FLG2: variants seen among roughly 807,000 people sequenced by gnomAD.
FLG2 encodes the protein filaggrin 2, also known as filaggrin-2.
Under a neutral mutation model 3.9 loss-of-function variants are expected in FLG2, and 7 were observed. That is an observed-to-expected ratio of 1.79 (90% CI 1.02 to 3.36). The LOEUF is 3.36. Ranked by LOEUF, FLG2 falls within the 30% of genes most tolerant of loss-of-function variation. The pLI is 0.00. For missense variants in FLG2, 2,700 were observed against 2,809.4 expected, an observed-to-expected ratio of 0.96 and a Z score of 0.88; for synonymous variants, 1,031 against 1,056.1, an observed-to-expected ratio of 0.98 and a Z score of 0.46.
At position 152,350,140 on chromosome 1, in the gene FLG2, G is replaced by A. The variant is rs1653853385; in HGVS notation, c.*470C>T. ...GGATCTTACCTGCCCATGAAAAGTT[G>A]TATCTCCGAAATGTTGCTGGCTAGA... On this transcript the variant is annotated 3_prime_UTR_variant, in exon 3 of 3. Coordinates refer to ENST00000388718, the MANE Select transcript of FLG2 (RefSeq NM_001014342.3). 5.9e-6 allele frequency: 1 copy of A among 168,972 alleles called. No homozygotes were observed. The highest frequency in any genetic ancestry group is 5.4e-5 in the Admixed American group (1 of 18,462). 10.5% of individuals were successfully genotyped at this position (168,972 alleles called of 1,614,324 possible). A position where few individuals can be genotyped will look rare whatever the true frequency, so the allele number is the denominator to read the frequency against.
At position 152,354,450 on chromosome 1, in the gene FLG2, G is replaced by C. The variant is rs762775553; in HGVS notation, c.3336C>G (p.Ser1112=). The change falls in exon 3 of 3, where the codon TCC becomes TCG. Residue 1112 remains serine, a synonymous_variant. Transcript: ENST00000388718. The stretch of plus-strand genomic sequence containing the variant: ...CCGATCCATATTGGCCAAAGCCAGA[G>C]GACTGACCTGAGCCTGGCCTGTGTT... ...FGQHRPGSGQ[S]SGFGQYGSGS... 53 of 1,613,950 alleles carry C rather than the reference G, an allele frequency of 3.3e-5. No individual in the cohort carries two copies. The highest frequency in any genetic ancestry group is 4.3e-5 in the Non-Finnish European group (51 of 1,180,024).
In FLG2 at chr1:152,352,174, C is replaced by T. The variant is rs766807742; in HGVS notation, c.5612G>A (p.Ser1871Asn). The T allele has an allele frequency of 7.4e-6, 12 of 1,613,736 alleles. No individual in the cohort carries two copies. The highest frequency in any genetic ancestry group is 1.1e-5 in the South Asian group (1 of 91,068). The change falls in exon 3 of 3, where the codon AGT becomes AAT. Residue 1871 changes from serine to asparagine, a missense_variant. Ser to Asn is a conservative substitution (Grantham distance 46). Transcript: ENST00000388718. ...GHGQSTQSGS[S>N]TTGRRRSGHS... ...GCCAGATCTCCTTCTTCCAGTTGTA[C>T]TGGATCCTGACTGTGTGGACTGTCC...
Position 152,349,528 on chromosome 1 carries a change from C to G in FLG2, c.*1082G>C, listed in dbSNP as rs1653828625. The G allele has an allele frequency of 6.6e-6, 1 of 152,580 alleles. No homozygotes were observed. The highest frequency in any genetic ancestry group is 1.5e-5 in the Non-Finnish European group (1 of 68,030). 9.5% of individuals were successfully genotyped at this position (152,580 alleles called of 1,614,324 possible). On this transcript the variant is annotated 3_prime_UTR_variant, in exon 3 of 3. Coordinates refer to ENST00000388718, the MANE Select transcript of FLG2 (RefSeq NM_001014342.3). The stretch of plus-strand genomic sequence containing the variant: ...GGCACCAAACAAAAGTAATATAGTA[C>G]AGAACTATAGTTAAAATGAAAGAAC...
At position 152,351,962 on chromosome 1, in the gene FLG2, G is replaced by T. The variant is rs1482578265; in HGVS notation, c.5824C>A (p.Gln1942Lys). Residue 1942 changes from glutamine (Q) to lysine (K), a missense_variant, in exon 3 of 3, where the codon CAG becomes AAG. Transcript: ENST00000388718. The part of the protein sequence containing the change: ...HGHPSHGQTI[Q>K]TGSRTTGRRG... ...CTTCCAGTTGTCCTGGACCCTGTCT[G>T]TATGGTTTGTCCATGACTAGGGTGG... 1.2e-6 allele frequency: 2 copies of T among 1,613,820 alleles called. No homozygotes were observed. Among genetic ancestry groups the T allele is most frequent in the Admixed American group, 1.7e-5 (1 of 59,972 alleles).
Position 152,357,417 on chromosome 1 carries a change from TG to T in FLG2, c.368del (p.Pro123GlnfsTer29). On this transcript the variant is annotated frameshift_variant, in exon 3 of 3. Transcript: ENST00000388718. LOFTEE classifies it low-confidence loss of function (END_TRUNC). Reference sequence around the variant, plus strand: ...AATGTCTGTAACCTGATTTATGTCCTGGTGTATCCTCTTCATCCTCTTCTGT... The same window carrying T: ...AATGTCTGTAACCTGATTTATGTCCTGTGTATCCTCTTCATCCTCTTCTGT... The part of the protein sequence containing the change: ...SETEEDEEDT[P>X]GHKSGYRHSS... The T allele has an allele frequency of 6.2e-7, 1 of 1,614,198 alleles. No individual in the cohort carries two copies. The highest frequency in any genetic ancestry group is 1.1e-5 in the South Asian group (1 of 91,074).
At position 152,357,599 on chromosome 1, in the gene FLG2, G is replaced by A. The variant is rs763012686; in HGVS notation, c.187C>T (p.Arg63Ter). Residue 63 changes from arginine (R) to a stop codon, truncating the protein, a stop_gained, in exon 3 of 3, where the codon CGA (arginine) becomes TGA (stop). Transcript: ENST00000388718. LOFTEE classifies it low-confidence loss of function (END_TRUNC). ...AAGTCCAATCTTCTGTCATGATCTC[G>A]ATCCAGCATATGCATGATGACATCC... ...TVDVIMHMLDRDHDRRLDFTE... is the reference protein window; with the variant it reads ...TVDVIMHMLD 4.3e-6 allele frequency: 7 copies of A among 1,613,774 alleles called. 1 individual carries two copies. The highest frequency in any genetic ancestry group is 3.3e-4 in the Middle Eastern group (2 of 6,084).
chr1:152,353,186 A>ATTCTGACTCTCCATGTTGAG lies in FLG2; in HGVS notation c.4580_4599dup (p.Ser1534LeufsTer9), dbSNP rs770959414. ...ATTCTGTGTCTGTCATGAATTATGG[A>ATTCTGACTCTCCATGTTGAG]TTCTGACTCTCCATGTTGAGATCCA... On this transcript the variant is annotated frameshift_variant, in exon 3 of 3. Coordinates refer to ENST00000388718, the MANE Select transcript of FLG2 (RefSeq NM_001014342.3). LOFTEE classifies it low-confidence loss of function (END_TRUNC). 55 of 1,611,258 alleles carry ATTCTGACTCTCCATGTTGAG rather than the reference A, an allele frequency of 3.4e-5. No individual in the cohort carries two copies. The highest frequency in any genetic ancestry group is 4.2e-5 in the Non-Finnish European group (50 of 1,179,662).
At position 152,359,118 on chromosome 1, in the gene FLG2, T is replaced by C. The variant is rs55867738; in HGVS notation, c.-22-212A>G. On this transcript the variant is annotated intron_variant, in intron 1 of 2. Coordinates refer to ENST00000388718, the MANE Select transcript of FLG2 (RefSeq NM_001014342.3). Reference sequence around the variant, plus strand: ...ACTTTTCTGTGATCAAGTCTTGGCATGTTACTGGTTCAACTGAGAATAGAC... The same window carrying C: ...ACTTTTCTGTGATCAAGTCTTGGCACGTTACTGGTTCAACTGAGAATAGAC... Among the ~76,000 whole-genome samples, 7,906 of 152,312 alleles carry C rather than the reference T, an allele frequency of 0.052. 288 individuals carry two copies. The highest frequency in any genetic ancestry group is 0.083 in the Non-Finnish European group (5,646 of 68,012).
rs201517273 is a variant in FLG2 at position 152,355,522 on chromosome 1, G to T, written c.2264C>A (p.Ser755Tyr). The change falls in exon 3 of 3, where the codon TCC becomes TAC. Residue 755 changes from serine (S) to tyrosine (Y), a missense_variant. Physicochemically the swap from Ser to Tyr is moderately radical, Grantham distance 144. Transcript: ENST00000388718. ...FGQHGSGSGQ[S>Y]SGFGQHESRS... ...AGACTCATGTTGTCCAAAGCCAGAG[G>T]ATTGTCCTGAGCCAGACCCATGTTG... is the stretch of plus-strand genomic sequence containing the variant. The T allele has an allele frequency of 9.1e-5, 146 of 1,612,628 alleles. No individual in the cohort carries two copies. The East Asian group carries it at 2.8e-3, about 30-fold the overall frequency.
At position 152,355,936 on chromosome 1, in the gene FLG2, C is replaced by G. The variant is rs1024218125; in HGVS notation, c.1850G>C (p.Ser617Thr). 34 of 1,607,674 alleles carry G rather than the reference C, an allele frequency of 2.1e-5. No homozygotes were observed. Among genetic ancestry groups the G allele is most frequent in the Non-Finnish European group, 2.6e-5 (31 of 1,177,466 alleles). The change falls in exon 3 of 3, where the codon AGT (serine) becomes ACT (threonine). Residue 617 changes from serine to threonine, a missense_variant. Transcript: ENST00000388718. ...TGAGCCAGAACTGTGTTGGCCATAACTAGACTGACCTGATCTAGACTCATG... is the reference window on the plus strand; with the variant it reads ...TGAGCCAGAACTGTGTTGGCCATAAGTAGACTGACCTGATCTAGACTCATG... ...GQHESRSGQS[S>T]YGQHSSGSSQ...
rs774534850 is a variant in FLG2 at position 152,352,753 on chromosome 1, C to A, written c.5033G>T (p.Gly1678Val). ...THTGHTHGQA[G>V]SQHGQSESIV... ...GGATTCTGACTGTCCATGTTGAGATCCAGCTTGACCATGAGTGTGTCCTGT... is the reference window on the plus strand; with the variant it reads ...GGATTCTGACTGTCCATGTTGAGATACAGCTTGACCATGAGTGTGTCCTGT... The change falls in exon 3 of 3, where the codon GGA becomes GTA. Residue 1678 changes from glycine (G) to valine (V), a missense_variant. Gly to Val is a moderately radical substitution (Grantham distance 109). Transcript: ENST00000388718. 1.9e-6 allele frequency: 3 copies of A among 1,613,638 alleles called. No individual in the cohort carries two copies. Among genetic ancestry groups the A allele is most frequent in the Non-Finnish European group, 2.5e-6 (3 of 1,179,970 alleles).
Position 152,353,569 on chromosome 1 carries a change from T to C in FLG2, c.4217A>G (p.His1406Arg), listed in dbSNP as rs781140051. The change falls in exon 3 of 3, where the codon CAT (histidine) becomes CGT (arginine). Residue 1406 changes from histidine (H) to arginine (R), a missense_variant. Physicochemically the swap from His to Arg is conservative, Grantham distance 29. Coordinates refer to ENST00000388718, the MANE Select transcript of FLG2 (RefSeq NM_001014342.3). ...GGACCCTCTCTGTGTGGACTGTCCATGACCAGAGTGGCCATGTCCAGTGGC... is the reference window on the plus strand; with the variant it reads ...GGACCCTCTCTGTGTGGACTGTCCACGACCAGAGTGGCCATGTCCAGTGGC... ...GEATGHGHSG[H>R]GQSTQRGSRT... The C allele has an allele frequency of 1.2e-6, 2 of 1,614,132 alleles. No individual in the cohort carries two copies. The highest frequency in any genetic ancestry group is 4.5e-5 in the East Asian group (2 of 44,860).
At position 152,354,801 on chromosome 1, in the gene FLG2, A is replaced by T; in HGVS notation, c.2985T>A (p.Ser995Arg). ...SGFGQHESRS[S>R]QSNYGQHGSG... Reference sequence around the variant, plus strand: ...AACCATGTTGGCCATAATTAGACTGACTTGATCTAGACTCATGCTGTCCAA... The same window carrying T: ...AACCATGTTGGCCATAATTAGACTGTCTTGATCTAGACTCATGCTGTCCAA... Residue 995 changes from serine to arginine, a missense_variant, in exon 3 of 3, where the codon AGT becomes AGA. By Grantham distance (110) the Ser-to-Arg change is moderately radical (BLOSUM62 -1). Coordinates refer to ENST00000388718, the MANE Select transcript of FLG2 (RefSeq NM_001014342.3). The T allele has an allele frequency of 1.2e-6, 2 of 1,613,012 alleles. No individual in the cohort carries two copies. Among genetic ancestry groups the T allele is most frequent in the Non-Finnish European group, 1.7e-6 (2 of 1,179,832 alleles).
In FLG2 at chr1:152,352,152, A is replaced by G. The variant is rs772076145; in HGVS notation, c.5634T>C (p.Ser1878=). 1 of 1,613,726 alleles carries G rather than the reference A, an allele frequency of 6.2e-7. No homozygotes were observed. Among genetic ancestry groups the G allele is most frequent in the Non-Finnish European group, 8.5e-7 (1 of 1,179,918 alleles). Residue 1878 remains serine (S), a synonymous_variant, in exon 3 of 3, where the codon TCT becomes TCC. Coordinates refer to ENST00000388718, the MANE Select transcript of FLG2 (RefSeq NM_001014342.3). Reference sequence around the variant, plus strand: ...CACTGTCACTGGACTCACTGTGGCCAGATCTCCTTCTTCCAGTTGTACTGG... The same window carrying G: ...CACTGTCACTGGACTCACTGTGGCCGGATCTCCTTCTTCCAGTTGTACTGG... ...SGSSTTGRRR[S]GHSESSDSEV...
rs1264171854 is a variant in FLG2, at chr1:152,355,424, AC to A, written c.2361del (p.Ser788LeufsTer439). On this transcript the variant is annotated frameshift_variant, in exon 3 of 3. Transcript: ENST00000388718. LOFTEE classifies it low-confidence loss of function (END_TRUNC). Reference sequence around the variant, plus strand: ...TGTCCAAAGCCAGATGTCTGTCTAGACCCATGTTGGCCATAGCCAGATGACT... The same window carrying A: ...TGTCCAAAGCCAGATGTCTGTCTAGACCATGTTGGCCATAGCCAGATGACT... ...SSQSSGYGQH[G>X]SRQTSGFGQH... 6.2e-7 allele frequency: 1 copy of A among 1,612,764 alleles called. No individual in the cohort carries two copies. The highest frequency in any genetic ancestry group is 1.3e-5 in the African/African-American group (1 of 74,428).
chr1:152,356,089 C>T lies in FLG2; in HGVS notation c.1697G>A (p.Gly566Asp), dbSNP rs746128154. ...TGAGCCCAACCCATGTTGTCCAAAGCCAGATGTCTCTCTAGACCCATATTG... is the reference window on the plus strand; with the variant it reads ...TGAGCCCAACCCATGTTGTCCAAAGTCAGATGTCTCTCTAGACCCATATTG... ...YGQYGSRETS[G>D]FGQHGLGSGQ... The change falls in exon 3 of 3, where the codon GGC becomes GAC. Residue 566 changes from glycine (G) to aspartate (D), a missense_variant. By Grantham distance (94) the Gly-to-Asp change is moderately conservative. Transcript: ENST00000388718. 67 of 1,613,604 alleles carry T rather than the reference C, an allele frequency of 4.2e-5. No individual in the cohort carries two copies. The highest frequency in any genetic ancestry group is 5.6e-5 in the Non-Finnish European group (66 of 1,179,990).
intron 2 of FLG2, 97 bp from the exon 3 acceptor site, chr1:152,357,744 C>T: frequency 1.2e-6 from 1 of 854,198 alleles, no homozygotes; most frequent in Non-Finnish European, 1.8e-6. Context: ...GGATGTTTGA[C>T]ATGATGTAGT....
chr1:152,350,638 G>A lies in FLG2; in HGVS notation c.7148C>T (p.Thr2383Ile). The A allele has an allele frequency of 6.2e-7, 1 of 1,614,024 alleles. No homozygotes were observed. The highest frequency in any genetic ancestry group is 1.1e-5 in the South Asian group (1 of 91,034). The change falls in exon 3 of 3, where the codon ACT becomes ATT. Residue 2383 changes from threonine (T) to isoleucine (I), a missense_variant. By Grantham distance (89) the Thr-to-Ile change is moderately conservative. Coordinates refer to ENST00000388718, the MANE Select transcript of FLG2 (RefSeq NM_001014342.3). ...NSHLSWSTDS[T>I]ANKQLSRH ...ATGTCTAGACAGTTGCTTGTTTGCA[G>A]TGCTGTCTGTTGACCATGAAAGGTG...
In FLG2 at chr1:152,353,864, G is replaced by A. The variant is rs972043961; in HGVS notation, c.3922C>T (p.Arg1308Cys). 1.2e-5 allele frequency: 20 copies of A among 1,613,898 alleles called. No homozygotes were observed. Among genetic ancestry groups the A allele is most frequent in the Middle Eastern group, 1.6e-4 (1 of 6,084 alleles). The change falls in exon 3 of 3, where the codon CGC (arginine) becomes TGC (cysteine). Residue 1308 changes from arginine to cysteine, a missense_variant. Coordinates refer to ENST00000388718, the MANE Select transcript of FLG2 (RefSeq NM_001014342.3). Reference protein sequence around the residue: ...SHYPKSGSTVRRRQGTTHGQR... With the variant: ...SHYPKSGSTVCRRQGTTHGQR... ...CCATGAGTAGTTCCTTGTCTTCTGC[G>A]AACTGTGGATCCTGACTTTGGGTAG...
Sources: gnomAD v4.1 joint callset for allele counts (sites outside exome capture counted in the v4.1 genomes callset) on GRCh38, gnomAD v4.1.1 for gene constraint, MANE v1.5 for transcripts, NCBI Gene and HGNC (gene_info 2026-07-23, HGNC 2026-07-21) for gene names.